Variants in ADGRV1 observed in about 807,000 individuals in gnomAD.
The protein encoded by ADGRV1 is adhesion G protein-coupled receptor V1.
ADGRV1 carries 359 observed loss-of-function variants against 596.2 expected under a neutral mutation model. The ratio of observed to expected loss-of-function variants is 0.60; its 90% CI spans 0.55 to 0.66. ADGRV1 has a LOEUF of 0.66. Among genes scored for constraint, ADGRV1 ranks in the 30% least tolerant of loss-of-function variants. The pLI is 0.00. For synonymous variants in ADGRV1, 2,681 were observed against 2,679.2 expected, an observed-to-expected ratio of 1.00 and a Z score of -0.02; for missense variants, 7,274 against 7,575.6, an observed-to-expected ratio of 0.96 and a Z score of 1.48.
At position 90,642,956 on chromosome 5, in the gene ADGRV1, A is replaced by G. The variant is rs1422677680; in HGVS notation, c.2468A>G (p.Tyr823Cys). Residue 823 changes from tyrosine to cysteine, a missense_variant, in exon 13 of 90, where the codon TAT becomes TGT. By Grantham distance (194) the Tyr-to-Cys change is radical. This residue lies in a region of ADGRV1 where 1,715 missense variants were observed against 1,708.8 expected (regional missense o/e 1.00). Transcript: ENST00000405460. Reference protein sequence around the residue: ...RVEPRDSNEFYGNTGVLEFKP... With the variant: ...RVEPRDSNEFCGNTGVLEFKP... ...GAGCCAAGAGATAGCAATGAATTCT[A>G]TGGAAACACGGGAGTACTAGAATTT... 1.7e-5 allele frequency: 28 copies of G among 1,613,654 alleles called. No homozygotes were observed. The highest frequency in any genetic ancestry group is 3.3e-5 in the South Asian group (3 of 91,060).
chr5:90,965,680 C>T, intron 84 of ADGRV1, 149 bp downstream of exon 84: 1 of 507,010 alleles, frequency 2.0e-6, no homozygotes, highest in Non-Finnish European at 3.5e-6. Flanking sequence ...AATAAAAACA[C>T]CCTATAAGCT....
chr5:90,982,046 C>T (rs11742722), intron 84 of ADGRV1, among the ~76,000 whole-genome samples: 76,095 of 151,950 alleles, frequency 0.5, 20,661 homozygotes, highest in African/African-American at 0.71. Flanking sequence ...TATGATCATG[C>T]GACTGCACTC....
chr5:90,755,052 T>G lies in ADGRV1; in HGVS notation c.11447T>G (p.Leu3816Trp), dbSNP rs755240589. The G allele has an allele frequency of 6.2e-7, 1 of 1,613,092 alleles. No homozygotes were observed. The highest frequency in any genetic ancestry group is 8.5e-7 in the Non-Finnish European group (1 of 1,179,126). Reference sequence around the variant, plus strand: ...CTACTTGGGGATATTGCCATTCACTTGAGAGCTCAACCCAATTTCTTACTG... The same window carrying G: ...CTACTTGGGGATATTGCCATTCACTGGAGAGCTCAACCCAATTTCTTACTG... ...KGLLGDIAIHLRAQPNFLLHV... is the reference protein window; with the variant it reads ...KGLLGDIAIHWRAQPNFLLHV... The change falls in exon 55 of 90, where the codon TTG (leucine) becomes TGG (tryptophan). Residue 3816 changes from leucine (L) to tryptophan (W), a missense_variant. Coordinates refer to ENST00000405460, the MANE Select transcript of ADGRV1 (RefSeq NM_032119.4).
At chr5:90,788,048 C>T (rs1424704104) in intron 67 of ADGRV1, 23 bp from the exon 68 acceptor site, 2 of 1,556,826 alleles carry the variant, frequency 1.3e-6, no homozygotes, top group African/African-American at 2.7e-5. Flanking sequence ...TAAAGAAATA[C>T]CAAAACCAAA....
chr5:90,739,406 C>A (rs1379342795), intron 50 of ADGRV1, among the ~76,000 whole-genome samples: 2 of 152,140 alleles, frequency 1.3e-5, no homozygotes, highest in Non-Finnish European at 2.9e-5. Flanking sequence ...GAAACAGCCA[C>A]CCTTTTCAGG....
chr5:90,604,779 A>T (rs966867864), intron 1 of ADGRV1, among the ~76,000 whole-genome samples: 2 of 152,208 alleles, frequency 1.3e-5, no homozygotes, highest in Non-Finnish European at 2.9e-5. Flanking sequence ...TGACAGAGAC[A>T]CTGTCACATA....
In ADGRV1 at chr5:90,627,383, C is replaced by T. The variant is rs1238721657; in HGVS notation, c.845C>T (p.Pro282Leu). 2 of 1,613,722 alleles carry T rather than the reference C, an allele frequency of 1.2e-6. No individual in the cohort carries two copies. The highest frequency in any genetic ancestry group is 1.7e-6 in the Non-Finnish European group (2 of 1,179,836). ...VPEEDHILIIPVVRGKDNNGN... is the reference protein window; with the variant it reads ...VPEEDHILIILVVRGKDNNGN... ...GAGGAAGACCACATACTCATAATTC[C>T]AGTAGTTCGTGGAAAGGACAACAAT... The change falls in exon 7 of 90, where the codon CCA becomes CTA. Residue 282 changes from proline (P) to leucine (L), a missense_variant. Around this residue, in one of 5 missense-constraint regions of ADGRV1, gnomAD observed 1,715 missense variants for 1,708.8 expected, o/e 1.00. Transcript: ENST00000405460.
intron 1 of ADGRV1, among the ~76,000 whole-genome samples, chr5:90,576,494 T>G (rs187417976): frequency 4.9e-4 from 75 of 152,340 alleles, no homozygotes; most frequent in African/African-American, 1.8e-3. Context: ...GTGCCACATT[T>G]TCTTAATCCA....
chr5:90,839,376 G>A (rs769586278), intron 77 of ADGRV1, among the ~76,000 whole-genome samples: 2 of 151,896 alleles, frequency 1.3e-5, no homozygotes, highest in Non-Finnish European at 2.9e-5. Flanking sequence ...CACCATGCCC[G>A]GCTAATTTTT....
Position 90,614,834 on chromosome 5 carries a change from G to A in ADGRV1, c.23-1G>A. The A allele has an allele frequency of 1.2e-6, 2 of 1,602,530 alleles. No individual in the cohort carries two copies. Among genetic ancestry groups the A allele is most frequent in the Non-Finnish European group, 1.7e-6 (2 of 1,171,328 alleles). On this transcript the variant is annotated splice_acceptor_variant, in intron 1 of 89. Coordinates refer to ENST00000405460, the MANE Select transcript of ADGRV1 (RefSeq NM_032119.4). LOFTEE classifies it high-confidence loss of function. ...ATAATATTTTTTTCTTTTTGTTTTA[G>A]GGATGCCCTCTGCATCTTTATTAGT...
In ADGRV1 at chr5:90,811,339, G is replaced by T; in HGVS notation, c.16078+1G>T. 6.3e-7 allele frequency: 1 copy of T among 1,576,922 alleles called. No individual in the cohort carries two copies. Among genetic ancestry groups the T allele is most frequent in the Non-Finnish European group, 8.6e-7 (1 of 1,163,018 alleles). On this transcript the variant is annotated splice_donor_variant, in intron 74 of 89. Transcript: ENST00000405460. LOFTEE classifies it high-confidence loss of function. Reference sequence around the variant, plus strand: ...GCTTTTGCCATGGTTATTATTACAGGTATATCTTTGAAATGATGGAGATAA... The same window carrying T: ...GCTTTTGCCATGGTTATTATTACAGTTATATCTTTGAAATGATGGAGATAA...
intron 84 of ADGRV1, among the ~76,000 whole-genome samples, chr5:90,970,240 G>A (rs925166767): frequency 3.9e-5 from 6 of 152,176 alleles, no homozygotes; most frequent in African/African-American, 1.4e-4. Context: ...CTCGTACTGG[G>A]TGGAGCCCAC....
chr5:91,069,231 G>A (rs911833548), intron 85 of ADGRV1, among the ~76,000 whole-genome samples: 8 of 152,024 alleles, frequency 5.3e-5, no homozygotes, highest in Admixed American at 4.6e-4. Context: ...ATAGGCCCTG[G>A]CACAATGTCC....
Position 90,635,169 on chromosome 5 carries a change from G to T in ADGRV1, c.1895G>T (p.Arg632Ile). 1 of 1,611,712 alleles carries T rather than the reference G, an allele frequency of 6.2e-7. No individual in the cohort carries two copies. The highest frequency in any genetic ancestry group is 8.5e-7 in the Non-Finnish European group (1 of 1,177,990). Residue 632 changes from arginine (R) to isoleucine (I), a missense_variant, in exon 10 of 90, where the codon AGA (arginine) becomes ATA (isoleucine). This residue lies in a region of ADGRV1 where 1,715 missense variants were observed against 1,708.8 expected (regional missense o/e 1.00). Transcript: ENST00000405460. ...CCTCTAATCCCACCCATAAGCCCTA[G>T]ATTTGGGGAAATCTGCAATATTTCT... Reference protein sequence around the residue: ...IIPLIPPISPRFGEICNISLL... With the variant: ...IIPLIPPISPIFGEICNISLL...
intron 83 of ADGRV1, among the ~76,000 whole-genome samples, chr5:90,952,000 T>C (rs1777101128): frequency 6.6e-6 from 1 of 152,232 alleles, no homozygotes. Flanking sequence ...TTTGTAATTA[T>C]TGAAGTAAGA....
chr5:90,933,153 C>T (rs565297939), intron 83 of ADGRV1, among the ~76,000 whole-genome samples: 7 of 152,072 alleles, frequency 4.6e-5, no homozygotes, highest in Admixed American at 1.3e-4. Flanking sequence ...TGCTCTGTGT[C>T]GGGCCTTGTT....
In ADGRV1 at chr5:90,676,198, T is replaced by C; in HGVS notation, c.5432T>C (p.Leu1811Ser). The change falls in exon 25 of 90, where the codon TTG (leucine) becomes TCG (serine). Residue 1811 changes from leucine to serine, a missense_variant. Leu to Ser is a moderately radical substitution (Grantham distance 145). Transcript: ENST00000405460. ...TCTTTTAAAGTTGAGTTGTTAAACTTGGAAGGAGGAGGTAAGGCTGGTGAT... is the reference window on the plus strand; with the variant it reads ...TCTTTTAAAGTTGAGTTGTTAAACTCGGAAGGAGGAGGTAAGGCTGGTGAT... The part of the protein sequence containing the change: ...EKSFKVELLN[L>S]EGGVAELFRV... 1 of 1,604,818 alleles carries C rather than the reference T, an allele frequency of 6.2e-7. No individual in the cohort carries two copies. Among genetic ancestry groups the C allele is most frequent in the Non-Finnish European group, 8.5e-7 (1 of 1,176,182 alleles).
intron 86 of ADGRV1, among the ~76,000 whole-genome samples, chr5:91,090,374 G>C (rs1156857967): frequency 6.6e-6 from 1 of 151,860 alleles, no homozygotes; most frequent in Non-Finnish European, 1.5e-5. Context: ...ATTATATATA[G>C]CTTTTGCAAG....
intron 83 of ADGRV1, among the ~76,000 whole-genome samples, chr5:90,938,898 T>G (rs959806805): frequency 2.6e-5 from 4 of 152,232 alleles, no homozygotes; most frequent in African/African-American, 9.6e-5. Flanking sequence ...AAGCCACTTT[T>G]ATTCTTATTA....
Sources: gnomAD v4.1 joint callset for allele counts (sites outside exome capture counted in the v4.1 genomes callset) on GRCh38, gnomAD v4.1.1 for gene constraint, gnomAD v4.1.1 regional missense constraint, MANE v1.5 for transcripts, NCBI Gene and HGNC (gene_info 2026-07-23, HGNC 2026-07-21) for gene names.